The following MANBA variants were observed in gnomAD, a reference collection of about 807,000 sequenced individuals.
The protein encoded by MANBA is beta-mannosidase.
A neutral mutation model predicts 111.1 loss-of-function variants in MANBA; 83 were observed. The observed-to-expected ratio is 0.75, with a 90% CI of 0.63 to 0.90. The LOEUF (loss-of-function observed/expected upper bound fraction) is 0.90, where lower values mean the gene tolerates loss of function less well. Among genes scored for constraint, MANBA ranks in the 40% least tolerant of loss-of-function variants. The pLI is 0.00. For missense variants in MANBA, 1,036 were observed against 1,069.0 expected (o/e 0.97, Z 0.43); for synonymous variants, 370 against 378.7 (o/e 0.98, Z 0.27).
intron 1 of MANBA, among the ~76,000 whole-genome samples, chr4:102,748,485 T>C (rs540618651): frequency 1.6e-4 from 24 of 152,336 alleles, no homozygotes; most frequent in South Asian, 4.1e-4. Context: ...TGTATCTATA[T>C]ATGATATCTG....
In MANBA at chr4:102,642,544, T is replaced by TTGGAG. The variant is rs1470506784; in HGVS notation, c.1870-2688_1870-2687insCTCCA. 8.9e-4 allele frequency among the ~76,000 whole-genome samples: 135 copies of TTGGAG among 152,086 alleles called. 1 individual carries two copies. The East Asian group carries it at 0.014, about 15-fold the overall frequency. On this transcript the variant is annotated intron_variant, in intron 13 of 16. Coordinates refer to ENST00000647097, the MANE Select transcript of MANBA (RefSeq NM_005908.4). ...ATGGCTTGAACTTGGGAGGCAGAGG[T>TTGGAG]TGCAGTGAGCCGAGATCAAGCCACT...
At chr4:102,714,410 G>GA (rs369998791) in intron 5 of MANBA, 28 bp downstream of exon 5, 756 of 1,573,270 alleles carry the variant, frequency 4.8e-4, no homozygotes, top group African/African-American at 1.5e-3. Context: ...GACTCAAAAA[G>GA]AAAAAAAAAT....
At chr4:102,737,910 A>T (rs900393724) in intron 1 of MANBA, among the ~76,000 whole-genome samples, 2 of 152,134 alleles carry the variant, frequency 1.3e-5, no homozygotes, top group African/African-American at 4.8e-5. Flanking sequence ...GGCCCCACCC[A>T]AAAAGAGTCT....
chr4:102,754,980 C>T (rs1234728625), intron 1 of MANBA, among the ~76,000 whole-genome samples: 1 of 152,134 alleles, frequency 6.6e-6, no homozygotes, highest in East Asian at 1.9e-4. Context: ...AGAACACAAA[C>T]AAATGCAAGA....
At chr4:102,658,521 G>T (rs924970425) in intron 11 of MANBA, among the ~76,000 whole-genome samples, 1 of 152,198 alleles carries the variant, frequency 6.6e-6, no homozygotes, top group East Asian at 1.9e-4. Flanking sequence ...AGCCTTGGTA[G>T]ATTTATCTGT....
intron 7 of MANBA, among the ~76,000 whole-genome samples, chr4:102,674,930 A>T (rs1431048343): frequency 2.0e-5 from 3 of 152,246 alleles, no homozygotes; most frequent in Non-Finnish European, 4.4e-5. Context: ...TCATGTAATA[A>T]AAGTGTCCAC....
intron 11 of MANBA, 102 bp from the exon 12 acceptor site, chr4:102,658,002 G>A (rs1730651140): frequency 2.3e-6 from 2 of 859,802 alleles, no homozygotes; most frequent in South Asian, 1.4e-5. Flanking sequence ...GAAATGCCAA[G>A]TAGCTGATAG....
intron 12 of MANBA, among the ~76,000 whole-genome samples, chr4:102,656,275 A>G (rs2110208378): frequency 6.6e-6 from 1 of 152,258 alleles, no homozygotes; most frequent in South Asian, 2.1e-4. Context: ...CAAAATGGCT[A>G]AAGGATTTGA....
At chr4:102,727,288 T>C in intron 1 of MANBA, 2 of 580,046 alleles carry the variant, frequency 3.4e-6, no homozygotes, top group Non-Finnish European at 6.3e-6. Context: ...TTCTGCTCTT[T>C]CTGTTTGCTC....
In MANBA at chr4:102,648,150, A is replaced by G. The variant is rs181553636; in HGVS notation, c.1869+2387T>C. Among the ~76,000 whole-genome samples the G allele has an allele frequency of 2.1e-4, 32 of 152,202 alleles. No homozygotes were observed. In the East Asian group the frequency reaches 3.7e-3, roughly 17 times the overall value. ...CAAATGAAAAAAGTAAAATGAAACCATTATCCAAAATTCAGTTTGGCAGTT... is the reference window on the plus strand; with the variant it reads ...CAAATGAAAAAAGTAAAATGAAACCGTTATCCAAAATTCAGTTTGGCAGTT... On this transcript the variant is annotated intron_variant, in intron 13 of 16. Transcript: ENST00000647097.
rs371368353 is a variant in MANBA, at chr4:102,635,992, C to T, written c.2030G>A (p.Trp677Ter). The change falls in exon 15 of 17, where the codon TGG becomes TAG. Residue 677 changes from tryptophan to a stop codon, truncating the protein, a stop_gained. Coordinates refer to ENST00000647097, the MANE Select transcript of MANBA (RefSeq NM_005908.4). LOFTEE classifies it high-confidence loss of function. Reference sequence around the variant, plus strand: ...CTGAGCAAAGTAATGAAGCATTTTCCACTTTCCTCCGTACTCTGAAAATAA... The same window carrying T: ...CTGAGCAAAGTAATGAAGCATTTTCTACTTTCCTCCGTACTCTGAAAATAA... The part of the protein sequence containing the change: ...SWASLEYGGK[W>*]KMLHYFAQNF... 6.2e-7 allele frequency: 1 copy of T among 1,613,772 alleles called. No individual in the cohort carries two copies. Among genetic ancestry groups the T allele is most frequent in the Non-Finnish European group, 8.5e-7 (1 of 1,179,708 alleles).
At chr4:102,752,413 G>A (rs1008878754) in intron 1 of MANBA, 12 of 974,860 alleles carry the variant, frequency 1.2e-5, no homozygotes, top group Admixed American at 3.4e-5. Context: ...TACAGGTTGC[G>A]TGACATTAGT....
rs532950837 is a variant in MANBA, at chr4:102,631,768, A to G, written c.*289T>C. The G allele has an allele frequency of 6.8e-6, 4 of 592,086 alleles. No individual in the cohort carries two copies. The highest frequency in any genetic ancestry group is 5.6e-5 in the African/African-American group (3 of 53,920). 36.7% of individuals were successfully genotyped at this position (592,086 alleles called of 1,614,324 possible). A position where few individuals can be genotyped will look rare whatever the true frequency, so the allele number is the denominator to read the frequency against. On this transcript the variant is annotated 3_prime_UTR_variant, in exon 17 of 17. Transcript: ENST00000647097. ...TAACCAGCTGCAGGGCCATCTTGTT[A>G]TAACTGGTTCATGTCCTGCTAAAGC...
intron 1 of MANBA, among the ~76,000 whole-genome samples, chr4:102,746,585 G>A (rs1181180386): frequency 2.0e-5 from 3 of 152,140 alleles, no homozygotes; most frequent in Admixed American, 6.5e-5. Context: ...TGCCTCTCAC[G>A]AGCAGTGAAT....
chr4:102,685,322 ATGT>A (rs1281993130), intron 7 of MANBA, among the ~76,000 whole-genome samples: 1 of 152,192 alleles, frequency 6.6e-6, no homozygotes, highest in Non-Finnish European at 1.5e-5. Flanking sequence ...AAAAAATAAA[ATGT>A]TGTTTGACCA....
chr4:102,732,014 T>A (rs1723050342), intron 1 of MANBA, among the ~76,000 whole-genome samples: 1 of 152,134 alleles, frequency 6.6e-6, no homozygotes, highest in Non-Finnish European at 1.5e-5. Context: ...TTCAAGCGAT[T>A]CTCCTGCCTC....
chr4:102,759,537 A>G (rs1724154689), intron 1 of MANBA, among the ~76,000 whole-genome samples: 1 of 150,134 alleles, frequency 6.7e-6, no homozygotes, highest in African/African-American at 2.5e-5. Context: ...CATTTACAAC[A>G]TTCACCTCCT....
intron 1 of MANBA, among the ~76,000 whole-genome samples, chr4:102,759,987 G>A (rs369117944): frequency 6.6e-5 from 10 of 152,216 alleles, no homozygotes; most frequent in African/African-American, 2.4e-4. Context: ...AACAGCAAAA[G>A]CAGTTGGAGG....
intron 13 of MANBA, among the ~76,000 whole-genome samples, chr4:102,645,107 T>C (rs1730044734): frequency 6.6e-6 from 1 of 152,078 alleles, no homozygotes; most frequent in African/African-American, 2.4e-5. Flanking sequence ...TTTCTTCATT[T>C]ATTGAGATGA....
Sources: gnomAD v4.1 joint callset for allele counts (sites outside exome capture counted in the v4.1 genomes callset) on GRCh38, gnomAD v4.1.1 for gene constraint, MANE v1.5 for transcripts, NCBI Gene and HGNC (gene_info 2026-07-23, HGNC 2026-07-21) for gene names.